ATE1: variants seen among roughly 807,000 people sequenced by gnomAD.
ATE1 encodes the protein arginyltransferase 1.
A neutral mutation model predicts 70.5 loss-of-function variants in ATE1; 36 were observed. That is an observed-to-expected ratio of 0.51 (90% CI 0.39 to 0.67). The LOEUF is 0.67. Ranked by LOEUF, ATE1 falls within the 30% of genes least tolerant of loss-of-function variation. The probability of loss-of-function intolerance (pLI) is 0.00; values close to 1 mark genes in which losing one functional copy is unlikely to be tolerated. For synonymous variants in ATE1, 232 were observed against 219.3 expected, an observed-to-expected ratio of 1.06 and a Z score of -0.51; for missense variants, 593 against 629.5, an observed-to-expected ratio of 0.94 and a Z score of 0.62.
intron 7 of ATE1, among the ~76,000 whole-genome samples, chr10:121,870,425 G>C (rs183596942): frequency 5.1e-4 from 77 of 152,262 alleles, no homozygotes; most frequent in African/African-American, 1.8e-3. Flanking sequence ...AATGCCAAGA[G>C]AAGAAGATAT....
chr10:121,869,986 G>A lies in ATE1; in HGVS notation c.975+20C>T, dbSNP rs1388804130. On this transcript the variant is annotated intron_variant, in intron 8 of 11. Coordinates refer to ENST00000224652, the MANE Select transcript of ATE1 (RefSeq NM_001001976.3). ...GTTCAATTACCAATTCTAATATTAA[G>A]GTCAGTGAGTAACTCTTACCTCCAA... 3 of 1,589,020 alleles carry A rather than the reference G, an allele frequency of 1.9e-6. No homozygotes were observed. The highest frequency in any genetic ancestry group is 2.6e-6 in the Non-Finnish European group (3 of 1,158,616).
chr10:121,800,540 GAA>G (rs1319905667), intron 10 of ATE1, among the ~76,000 whole-genome samples: 2 of 152,108 alleles, frequency 1.3e-5, no homozygotes, highest in African/African-American at 2.4e-5. Context: ...TTTTATATTT[GAA>G]AAGAGGCTAA....
intron 11 of ATE1, among the ~76,000 whole-genome samples, chr10:121,745,667 C>T (rs975469209): frequency 2.0e-5 from 3 of 152,140 alleles, no homozygotes; most frequent in Non-Finnish European, 2.9e-5. Context: ...GCGGAGTTTG[C>T]AGTGAGCCGA....
intron 7 of ATE1, among the ~76,000 whole-genome samples, chr10:121,880,095 G>A (rs1950180366): frequency 1.3e-5 from 2 of 152,022 alleles, no homozygotes; most frequent in Non-Finnish European, 2.9e-5. Context: ...TGTTTTTAAT[G>A]CCATCTGGTC....
chr10:121,795,661 T>C (rs1946632783), intron 10 of ATE1, among the ~76,000 whole-genome samples: 1 of 152,230 alleles, frequency 6.6e-6, no homozygotes, highest in African/African-American at 2.4e-5. Context: ...CTCATTTCAG[T>C]GTTTCAGATA....
intron 7 of ATE1, among the ~76,000 whole-genome samples, chr10:121,894,793 T>C (rs919024302): frequency 6.6e-6 from 1 of 151,684 alleles, no homozygotes; most frequent in African/African-American, 2.4e-5. Flanking sequence ...CCCAGCTACT[T>C]GGGAGGCTGA....
intron 11 of ATE1, among the ~76,000 whole-genome samples, chr10:121,775,348 G>T (rs1261745563): frequency 6.6e-6 from 1 of 151,952 alleles, no homozygotes; most frequent in African/African-American, 2.4e-5. Flanking sequence ...AGAGCATTAG[G>T]GCAAATACCT....
intron 8 of ATE1, among the ~76,000 whole-genome samples, chr10:121,851,090 C>CAAAAAAAAAAAAAAAAA (rs10603053): frequency 2.3e-5 from 1 of 43,212 alleles, no homozygotes; most frequent in Non-Finnish European, 3.7e-5. Flanking sequence ...GACTCCATCT[C>CAAAAAAAAAAAAAAAAA]AAAAAAAAAA....
rs1944127594 is a variant in ATE1, at chr10:121,740,877, A to G, written c.*2803T>C. The G allele has an allele frequency of 2.0e-5, 3 of 152,236 alleles. No homozygotes were observed. The highest frequency in any genetic ancestry group is 7.2e-5 in the African/African-American group (3 of 41,458). 9.4% of individuals were successfully genotyped at this position (152,236 alleles called of 1,614,324 possible). ...AAATAATTTTAATCAAATGTACAACATATTTATCTGATATCATCTATCTTT... is the reference window on the plus strand; with the variant it reads ...AAATAATTTTAATCAAATGTACAACGTATTTATCTGATATCATCTATCTTT... On this transcript the variant is annotated 3_prime_UTR_variant, in exon 12 of 12. Coordinates refer to ENST00000224652, the MANE Select transcript of ATE1 (RefSeq NM_001001976.3).
At chr10:121,859,896 G>A (rs1454105609) in intron 8 of ATE1, among the ~76,000 whole-genome samples, 1 of 152,134 alleles carries the variant, frequency 6.6e-6, no homozygotes, top group Non-Finnish European at 1.5e-5. Flanking sequence ...GAGCAAGATC[G>A]TGCCACTGCA....
intron 8 of ATE1, among the ~76,000 whole-genome samples, chr10:121,866,279 A>G (rs1052977165): frequency 2.0e-5 from 3 of 152,188 alleles, no homozygotes; most frequent in Admixed American, 6.5e-5. Flanking sequence ...CTAGAAAAAT[A>G]TCAACAGAAA....
rs185170570 is a variant in ATE1 at position 121,869,806 on chromosome 10, G to T, written c.975+200C>A. The stretch of plus-strand genomic sequence containing the variant: ...AGAGGCAATAACCTGTCATGAAAGT[G>T]AATTGCTATTGATATAACTTCTAGA... On this transcript the variant is annotated intron_variant, in intron 8 of 11. Coordinates refer to ENST00000224652, the MANE Select transcript of ATE1 (RefSeq NM_001001976.3). Among the ~76,000 whole-genome samples the T allele has an allele frequency of 3.5e-4, 54 of 152,204 alleles. No individual in the cohort carries two copies. In the East Asian group the frequency reaches 9.8e-3, roughly 28 times the overall value.
At chr10:121,782,364 G>A (rs989156416) in intron 11 of ATE1, 11 of 152,128 alleles carry the variant, frequency 7.2e-5, no homozygotes, top group Non-Finnish European at 1.5e-4. Context: ...AATCAAATGT[G>A]GAAATTTTAA....
At chr10:121,820,252 C>G (rs1438664641) in intron 10 of ATE1, among the ~76,000 whole-genome samples, 1 of 152,128 alleles carries the variant, frequency 6.6e-6, no homozygotes. Context: ...TGAAAATTTC[C>G]TAATCAATGA....
At chr10:121,755,480 C>T (rs1322161963) in intron 11 of ATE1, among the ~76,000 whole-genome samples, 1 of 152,152 alleles carries the variant, frequency 6.6e-6, no homozygotes, top group Non-Finnish European at 1.5e-5. Context: ...TTGTATTATT[C>T]TTGTCATTTT....
At chr10:121,915,896 AAAAACAAAAC>A (rs1205121976) in intron 3 of ATE1, among the ~76,000 whole-genome samples, 9 of 148,354 alleles carry the variant, frequency 6.1e-5, no homozygotes, top group East Asian at 2.0e-4. Flanking sequence ...ATCTCAAAAA[AAAAACAAAAC>A]AAAACAAAAC....
intron 11 of ATE1, among the ~76,000 whole-genome samples, chr10:121,748,209 C>A (rs1405965070): frequency 6.6e-6 from 1 of 152,124 alleles, no homozygotes; most frequent in East Asian, 1.9e-4. Flanking sequence ...ATAAATGAAA[C>A]ACCCTAGCAA....
At chr10:121,899,028 T>C in intron 7 of ATE1, 2 of 1,574,934 alleles carry the variant, frequency 1.3e-6, no homozygotes, top group Non-Finnish European at 1.7e-6. Context: ...GATATGCTTC[T>C]GAAGGTGAGG....
chr10:121,833,053 CCTGT>C (rs1388701563), intron 10 of ATE1, among the ~76,000 whole-genome samples: 1 of 152,114 alleles, frequency 6.6e-6, no homozygotes, highest in African/African-American at 2.4e-5. Context: ...CAGATAACAA[CCTGT>C]CTAATTTCTA....
Sources: allele counts gnomAD v4.1 joint callset (sites outside exome capture counted in the v4.1 genomes callset), GRCh38; gene constraint gnomAD v4.1.1; transcripts MANE v1.5; gene names NCBI Gene and HGNC (gene_info 2026-07-23, HGNC 2026-07-21).